The following LRRC9 variants were observed in gnomAD, a reference collection of about 807,000 sequenced individuals.
LRRC9 encodes leucine-rich repeat-containing protein 9.
A neutral mutation model predicts 63.2 loss-of-function variants in LRRC9; 122 were observed. The observed-to-expected ratio is 1.93, with a 90% CI of 1.67 to 2.24. The LOEUF (loss-of-function observed/expected upper bound fraction) is 2.24. Ranked by LOEUF, LRRC9 falls within the 30% of genes most tolerant of loss-of-function variation. The pLI is 0.00. For synonymous variants in LRRC9, 366 were observed against 213.1 expected (o/e 1.72, Z -6.25); for missense variants, 1,071 against 627.7 (o/e 1.71, Z -7.55).
chr14:60,034,466 ATTC>A (rs1892265360), intron 29 of LRRC9, among the ~76,000 whole-genome samples: 1 of 152,106 alleles, frequency 6.6e-6, no homozygotes, highest in South Asian at 2.1e-4. Context: ...ATATATTTAT[ATTC>A]TTTATTATTC....
intron 29 of LRRC9, among the ~76,000 whole-genome samples, chr14:60,037,648 T>C (rs1339702455): frequency 1.3e-5 from 2 of 152,226 alleles, no homozygotes; most frequent in Non-Finnish European, 2.9e-5. Context: ...TTAGGTTCTT[T>C]GTAGATTCTG....
At chr14:59,946,270 A>G (rs932695516) in intron 8 of LRRC9, among the ~76,000 whole-genome samples, 1 of 150,932 alleles carries the variant, frequency 6.6e-6, no homozygotes, top group Non-Finnish European at 1.5e-5. Flanking sequence ...TTAGAAAAAT[A>G]TTCTTAAAGT....
At position 60,019,273 on chromosome 14, in the gene LRRC9, A is replaced by G. The variant is rs1457354119; in HGVS notation, c.3566+13A>G. On this transcript the variant is annotated intron_variant, in intron 26 of 31. Coordinates refer to ENST00000445360, the Ensembl canonical transcript of LRRC9. ...CAAAAACAAACAGGTAGTATTCTTT[A>G]TTTTTATGATTATAACTAATTTTGG... The G allele has an allele frequency of 5.9e-6, 4 of 676,836 alleles. No individual in the cohort carries two copies. The highest frequency in any genetic ancestry group is 5.4e-5 in the East Asian group (2 of 36,786). The allele number at this position is 676,836 out of a possible 1,614,324, so 41.9% of individuals were successfully genotyped here.
intron 9 of LRRC9, 33 bp downstream of exon 9, chr14:59,960,047 C>G (rs903668646): frequency 3.3e-6 from 2 of 614,918 alleles, no homozygotes; most frequent in African/African-American, 3.7e-5. Context: ...TTGTTCTGAT[C>G]TGAAATGGAG....
chr14:60,057,569 T>G (rs466191), intron 30 of LRRC9: 138,070 of 180,988 alleles, frequency 0.76, 55,006 homozygotes, highest in Non-Finnish European at 0.87. Flanking sequence ...CATTTTCTTA[T>G]TTCCATACTT....
At chr14:60,022,332 TTAA>T (rs1278747870) in intron 26 of LRRC9, among the ~76,000 whole-genome samples, 1 of 151,870 alleles carries the variant, frequency 6.6e-6, no homozygotes, top group Non-Finnish European at 1.5e-5. Context: ...TTTTTGTACA[TTAA>T]TCTTTTATCC....
At chr14:60,047,401 A>C (rs1225071226) in intron 29 of LRRC9, among the ~76,000 whole-genome samples, 3 of 152,106 alleles carry the variant, frequency 2.0e-5, no homozygotes, top group African/African-American at 7.2e-5. Flanking sequence ...TGCTGTCTTT[A>C]AGAGATCCAT....
At chr14:60,016,116 G>C (rs918091554) in intron 23 of LRRC9, among the ~76,000 whole-genome samples, 1 of 152,074 alleles carries the variant, frequency 6.6e-6, no homozygotes, top group Non-Finnish European at 1.5e-5. Context: ...AGAAAATCCA[G>C]GGTGTCATTC....
downstream of LRRC9, among the ~76,000 whole-genome samples, chr14:60,063,710 T>C (rs749660749): frequency 6.6e-6 from 1 of 152,194 alleles, no homozygotes; most frequent in African/African-American, 2.4e-5. Context: ...CATTTAGTCA[T>C]GAAATGTCAT....
At position 59,938,940 on chromosome 14, in the gene LRRC9, C is replaced by CACATATATGCATAT. The variant is rs1566790230; in HGVS notation, c.726+369_726+370insCATATATGCATATA. 1.6e-4 allele frequency among the ~76,000 whole-genome samples: 17 copies of CACATATATGCATAT among 109,294 alleles called. 1 individual carries two copies. Among genetic ancestry groups the CACATATATGCATAT allele is most frequent in the African/African-American group, 5.5e-4 (15 of 27,312 alleles). 71.7% of individuals were successfully genotyped at this position (109,294 alleles called of 152,430 possible). On this transcript the variant is annotated intron_variant, in intron 7 of 31. Coordinates refer to ENST00000445360, the Ensembl canonical transcript of LRRC9. This position sits in a 1 kb window ranked among gnomAD's most constrained non-coding sequence, Gnocchi z 4.2. ...ATATGCATATATATACACATATATA[C>CACATATATGCATAT]ATATACATACATATATACACACATA...
At chr14:59,996,158 T>A (rs1449289905) in intron 17 of LRRC9, among the ~76,000 whole-genome samples, 1 of 152,204 alleles carries the variant, frequency 6.6e-6, no homozygotes, top group Non-Finnish European at 1.5e-5. Flanking sequence ...AAGGGCCATA[T>A]AGTAAATTCT....
At chr14:59,976,504 A>T (rs768211624) in intron 13 of LRRC9, among the ~76,000 whole-genome samples, 14 of 152,140 alleles carry the variant, frequency 9.2e-5, no homozygotes, top group Non-Finnish European at 1.9e-4. Context: ...AGTTAATAAT[A>T]ATTATAAAAT....
intron 12 of LRRC9, among the ~76,000 whole-genome samples, chr14:59,972,746 G>A (rs1885661482): frequency 6.6e-6 from 1 of 152,010 alleles, no homozygotes; most frequent in Non-Finnish European, 1.5e-5. Context: ...GCATAAACAA[G>A]CTTGGGAACA....
chr14:59,985,279 A>AATGG, intron 17 of LRRC9, 55 bp downstream of exon 17: 1 of 566,596 alleles, frequency 1.8e-6, no homozygotes, highest in Non-Finnish European at 3.2e-6. Flanking sequence ...GCAGAAGTAG[A>AATGG]ATGGTGGTTA....
At chr14:59,969,512 T>G (rs1451443824) in intron 12 of LRRC9, 1 of 152,206 alleles carries the variant, frequency 6.6e-6, no homozygotes, top group Non-Finnish European at 1.5e-5. Flanking sequence ...TGTTCCGCAT[T>G]GTTTAAGAGA....
In LRRC9 at chr14:59,938,904, CATATATACACATATGCAT is replaced by C. The variant is rs1286143915; in HGVS notation, c.726+347_726+364del. Among the ~76,000 whole-genome samples the C allele has an allele frequency of 2.0e-3, 235 of 116,616 alleles. 9 individuals are homozygous for C. The East Asian group carries it at 0.063, about 31-fold the overall frequency. The allele number at this position is 116,616 out of a possible 152,430, so 76.5% of individuals were successfully genotyped here. A position where few individuals can be genotyped will look rare whatever the true frequency, so the allele number is the denominator to read the frequency against. ...ACACACATATATACACATATATATACATATATACACATATGCATATATATACACATATATACATATACA... is the reference window on the plus strand; with the variant it reads ...ACACACATATATACACATATATATACATATATACACATATATACATATACA... On this transcript the variant is annotated intron_variant, in intron 7 of 31. Coordinates refer to ENST00000445360, the Ensembl canonical transcript of LRRC9. The surrounding 1 kb of genome is among the most constrained non-coding windows in gnomAD (Gnocchi z 4.2).
rs1011972338 is a variant in LRRC9 at position 60,051,485 on chromosome 14, C to G, written c.3991-1580C>G. The stretch of plus-strand genomic sequence containing the variant: ...ACCACAGAAATGGCTGCCACCCTTT[C>G]CCCCAAGAACTGCTTCTGGTTTCAG... On this transcript the variant is annotated intron_variant, in intron 29 of 31. Coordinates refer to ENST00000445360, the Ensembl canonical transcript of LRRC9. The surrounding 1 kb of genome is among the most constrained non-coding windows in gnomAD (Gnocchi z 4.7). Among the ~76,000 whole-genome samples, 1 of 152,210 alleles carries G rather than the reference C, an allele frequency of 6.6e-6. No homozygotes were observed. Among genetic ancestry groups the G allele is most frequent in the African/African-American group, 2.4e-5 (1 of 41,464 alleles).
intron 29 of LRRC9, among the ~76,000 whole-genome samples, chr14:60,049,545 T>C (rs1285165329): frequency 2.0e-5 from 3 of 152,230 alleles, no homozygotes; most frequent in African/African-American, 4.8e-5. Flanking sequence ...AAATTCTAGG[T>C]TGGAAATTCT....
intron 6 of LRRC9, among the ~76,000 whole-genome samples, chr14:59,935,448 A>G (rs757080367): frequency 3.5e-4 from 53 of 152,324 alleles, no homozygotes; most frequent in South Asian, 1.2e-3. Context: ...GAACTTTTCT[A>G]GAAAGCATTT....
Sources: allele counts gnomAD v4.1 joint callset (sites outside exome capture counted in the v4.1 genomes callset), GRCh38; gene constraint gnomAD v4.1.1; non-coding constraint Gnocchi (gnomAD v3.1); transcripts MANE v1.5; gene names NCBI Gene and HGNC (gene_info 2026-07-23, HGNC 2026-07-21).